The following LAMA4 variants were observed in gnomAD, a reference collection of about 807,000 sequenced individuals.
The protein encoded by LAMA4 is laminin subunit alpha-4.
Under a neutral mutation model 207.1 loss-of-function variants are expected in LAMA4, and 127 were observed. The ratio of observed to expected loss-of-function variants is 0.61; its 90% CI spans 0.53 to 0.71. The LOEUF is 0.71. Ranked by LOEUF, LAMA4 falls within the 30% of genes least tolerant of loss-of-function variation. The pLI is 0.00. For missense variants in LAMA4, 2,093 were observed against 2,246.5 expected, an observed-to-expected ratio of 0.93 and a Z score of 1.38; for synonymous variants, 761 against 816.0, an observed-to-expected ratio of 0.93 and a Z score of 1.15.
chr6:112,109,093 G>A lies in LAMA4; in HGVS notation c.*344C>T, dbSNP rs1330530815. 1 of 285,194 alleles carries A rather than the reference G, an allele frequency of 3.5e-6. No homozygotes were observed. The highest frequency in any genetic ancestry group is 2.2e-5 in the African/African-American group (1 of 45,862). 17.7% of individuals were successfully genotyped at this position (285,194 alleles called of 1,614,324 possible). On this transcript the variant is annotated 3_prime_UTR_variant, in exon 39 of 39. Transcript: ENST00000230538. ...TCTTCCCTGGAAGAAAGGTGAATCT[G>A]AGAATCTAGCCGCACTTCAAAAATG...
intron 17 of LAMA4, among the ~76,000 whole-genome samples, chr6:112,149,775 G>A (rs1360273194): frequency 6.6e-6 from 1 of 152,148 alleles, no homozygotes. Context: ...TTCTGATGAC[G>A]GTGATGATGA....
chr6:112,183,950 CAAAAAAA>C lies in LAMA4; in HGVS notation c.1077+1280_1077+1286del, dbSNP rs782424211. 3.2e-4 allele frequency among the ~76,000 whole-genome samples: 26 copies of C among 81,732 alleles called. 1 individual carries two copies. The highest frequency in any genetic ancestry group is 4.8e-4 in the Non-Finnish European group (20 of 41,512). 53.6% of individuals were successfully genotyped at this position (81,732 alleles called of 152,430 possible). The stretch of plus-strand genomic sequence containing the variant: ...TGGGCAACAAAGCGAGACTCCATCT[CAAAAAAA>C]AAAAAAAAAAAAGAAAAAAGAATTA... On this transcript the variant is annotated intron_variant, in intron 9 of 38. Transcript: ENST00000230538.
At position 112,233,099 on chromosome 6, in the gene LAMA4, C is replaced by T. The variant is rs1033305543; in HGVS notation, c.196-16630G>A. ...TTTTAGCTTAAAAGGCATTCTCACT[C>T]GCAGCACGGAGCTCCTGGAATGAGC... On this transcript the variant is annotated intron_variant, in intron 2 of 38. Coordinates refer to ENST00000230538, the MANE Select transcript of LAMA4 (RefSeq NM_001105206.3). 3.3e-5 allele frequency among the ~76,000 whole-genome samples: 5 copies of T among 152,142 alleles called. No homozygotes were observed. In the East Asian group the frequency reaches 7.7e-4, roughly 23 times the overall value.
intron 2 of LAMA4, among the ~76,000 whole-genome samples, chr6:112,223,011 G>A (rs749215943): frequency 1.3e-5 from 2 of 152,092 alleles, no homozygotes; most frequent in South Asian, 2.1e-4. Context: ...ATAACATAAC[G>A]AGGCTTCAGT....
Position 112,250,749 on chromosome 6 carries a change from C to T in LAMA4, c.195+3207G>A, listed in dbSNP as rs6919148. Among the ~76,000 whole-genome samples, 1,500 of 152,256 alleles carry T rather than the reference C, an allele frequency of 9.9e-3. 22 individuals carry two copies. The highest frequency in any genetic ancestry group is 0.035 in the African/African-American group (1,435 of 41,542). Reference sequence around the variant, plus strand: ...ACAATGTAACCTCCAACCTCATGTTCTTGACCTTGTTTAGTTCCTACTTCT... The same window carrying T: ...ACAATGTAACCTCCAACCTCATGTTTTTGACCTTGTTTAGTTCCTACTTCT... On this transcript the variant is annotated intron_variant, in intron 2 of 38. Coordinates refer to ENST00000230538, the MANE Select transcript of LAMA4 (RefSeq NM_001105206.3).
chr6:112,140,740 A>G lies in LAMA4; in HGVS notation c.2976+20T>C, dbSNP rs1554332923. On this transcript the variant is annotated intron_variant, in intron 22 of 38. Coordinates refer to ENST00000230538, the MANE Select transcript of LAMA4 (RefSeq NM_001105206.3). ...TTACTGTAGATTTGTAATAGGTCAA[A>G]ATATAGCTGTATGGCTGACCTTGAA... 28 of 1,611,018 alleles carry G rather than the reference A, an allele frequency of 1.7e-5. 1 individual carries two copies. The highest frequency in any genetic ancestry group is 2.3e-5 in the Non-Finnish European group (27 of 1,177,344).
At chr6:112,130,843 C>T (rs1778993863) in intron 29 of LAMA4, 125 bp downstream of exon 29, 4 of 942,042 alleles carry the variant, frequency 4.2e-6, no homozygotes, top group Non-Finnish European at 6.8e-6. Flanking sequence ...ATAAGTTGTT[C>T]CTTCTAGCAT....
chr6:112,185,195 T>G (rs1782610701), intron 9 of LAMA4, 42 bp downstream of exon 9: 7 of 1,326,564 alleles, frequency 5.3e-6, no homozygotes, highest in Non-Finnish European at 7.6e-6. Context: ...CTAAATCCTT[T>G]CTTTGAAGGC....
intron 36 of LAMA4, 68 bp downstream of exon 36, chr6:112,115,795 T>C (rs1231179629): frequency 1.4e-6 from 2 of 1,462,372 alleles, no homozygotes; most frequent in Non-Finnish European, 1.9e-6. Flanking sequence ...TTCTGTGAAA[T>C]AAATCTGCTT....
intron 31 of LAMA4, among the ~76,000 whole-genome samples, chr6:112,126,987 T>C (rs937622133): frequency 6.6e-6 from 1 of 152,216 alleles, no homozygotes; most frequent in South Asian, 2.1e-4. Context: ...TAAGGCTCTA[T>C]AGAGATATAA....
At chr6:112,215,553 A>G (rs1472246109) in intron 3 of LAMA4, among the ~76,000 whole-genome samples, 9 of 152,238 alleles carry the variant, frequency 5.9e-5, no homozygotes, top group Non-Finnish European at 1.3e-4. Flanking sequence ...GGGAACTTGA[A>G]GAATTTTTCT....
At chr6:112,202,055 T>C (rs1347789562) in intron 4 of LAMA4, among the ~76,000 whole-genome samples, 1 of 152,220 alleles carries the variant, frequency 6.6e-6, no homozygotes, top group African/African-American at 2.4e-5. Context: ...TTCCCCTTTT[T>C]TTCTGCACTA....
At position 112,208,696 on chromosome 6, in the gene LAMA4, T is replaced by A. The variant is rs527489462; in HGVS notation, c.298-1551A>T. Among the ~76,000 whole-genome samples, 4 of 152,340 alleles carry A rather than the reference T, an allele frequency of 2.6e-5. No individual in the cohort carries two copies. In the East Asian group the frequency reaches 5.8e-4, roughly 22 times the overall value. ...ATCAGTGTTACTAACACTTTGAGCT[T>A]CAATTGAAATATAATATTAATACAT... On this transcript the variant is annotated intron_variant, in intron 3 of 38. Coordinates refer to ENST00000230538, the MANE Select transcript of LAMA4 (RefSeq NM_001105206.3).
rs372202410 is a variant in LAMA4 at position 112,133,483 on chromosome 6, G to C, written c.3562C>G (p.Leu1188Val). The change falls in exon 27 of 39, where the codon CTC becomes GTC. Residue 1188 changes from leucine to valine, a missense_variant. Leu to Val is a conservative substitution (Grantham distance 32). This residue lies in a region of LAMA4 where 1,704 missense variants were observed against 1,788.4 expected (regional missense o/e 0.95). Transcript: ENST00000230538. ...APPEILQSRA[L>V]RAHLPLDINF... Reference sequence around the variant, plus strand: ...ATATCTAGGGGAAGGTGTGCTCTGAGGGCCCTGGAAAAGAAAGTCAGCCTC... The same window carrying C: ...ATATCTAGGGGAAGGTGTGCTCTGACGGCCCTGGAAAAGAAAGTCAGCCTC... 1.2e-6 allele frequency: 2 copies of C among 1,613,538 alleles called. No individual in the cohort carries two copies. Among genetic ancestry groups the C allele is most frequent in the Non-Finnish European group, 1.7e-6 (2 of 1,179,634 alleles).
rs145091507 is a variant in LAMA4, at chr6:112,134,921, CAGGT to C, written c.3415-316_3415-313del. Among the ~76,000 whole-genome samples, 78,769 of 151,318 alleles carry C rather than the reference CAGGT, an allele frequency of 0.52. 21,141 individuals carry two copies. The highest frequency in any genetic ancestry group is 0.74 in the East Asian group (3,795 of 5,108). On this transcript the variant is annotated intron_variant, in intron 25 of 38. Transcript: ENST00000230538. ...AGAGGATTCAGGAAAGAACTATAAACAGGTGCCACCATTCTCTTTTTTTTTAAAA... is the reference window on the plus strand; with the variant it reads ...AGAGGATTCAGGAAAGAACTATAAACGCCACCATTCTCTTTTTTTTTAAAA...
In LAMA4 at chr6:112,134,556, C is replaced by T; in HGVS notation, c.3468G>A (p.Arg1156=). The change falls in exon 26 of 39, where the codon AGG becomes AGA. Residue 1156 remains arginine (R), a synonymous_variant. Coordinates refer to ENST00000230538, the MANE Select transcript of LAMA4 (RefSeq NM_001105206.3). The stretch of plus-strand genomic sequence containing the variant: ...TTTCATTATCCATGCTCTTGACATG[C>T]CTTCTGTCAACTACCAAGATCATTT... ...DKKMILVVDR[R]HVKSMDNEKM... is the part of the protein sequence containing the mutation. 1 of 1,609,656 alleles carries T rather than the reference C, an allele frequency of 6.2e-7. No individual in the cohort carries two copies. Among genetic ancestry groups the T allele is most frequent in the Non-Finnish European group, 8.5e-7 (1 of 1,176,376 alleles).
At chr6:112,236,731 C>G (rs1392923020) in intron 2 of LAMA4, 1 of 152,072 alleles carries the variant, frequency 6.6e-6, no homozygotes, top group African/African-American at 2.4e-5. Flanking sequence ...TTTTTTAATT[C>G]GCATGGAAAA....
chr6:112,199,692 A>G (rs1406522032), intron 5 of LAMA4, among the ~76,000 whole-genome samples: 1 of 152,132 alleles, frequency 6.6e-6, no homozygotes, highest in Non-Finnish European at 1.5e-5. Context: ...ATAATTATCC[A>G]CATTTTGCAT....
chr6:112,187,599 A>G lies in LAMA4; in HGVS notation c.817T>C (p.Cys273Arg). The G allele has an allele frequency of 6.2e-7, 1 of 1,613,852 alleles. No individual in the cohort carries two copies. Among genetic ancestry groups the G allele is most frequent in the Non-Finnish European group, 8.5e-7 (1 of 1,179,916 alleles). ...PTGMDCPTIS[C>R]DKCVWDLTDD... is the part of the protein sequence containing the mutation. ...GTCAGGTCCCAGACGCACTTATCACAGCCTGGAGGTGAAACATTTCTTCAG... is the reference window on the plus strand; with the variant it reads ...GTCAGGTCCCAGACGCACTTATCACGGCCTGGAGGTGAAACATTTCTTCAG... Residue 273 changes from cysteine to arginine, a missense_variant and splice_region_variant, in exon 8 of 39, where the codon TGT (cysteine) becomes CGT (arginine). Around this residue, in one of 3 missense-constraint regions of LAMA4, gnomAD observed 1,704 missense variants for 1,788.4 expected, o/e 0.95. Coordinates refer to ENST00000230538, the MANE Select transcript of LAMA4 (RefSeq NM_001105206.3).
Sources: gnomAD v4.1 joint callset for allele counts (sites outside exome capture counted in the v4.1 genomes callset) on GRCh38, gnomAD v4.1.1 for gene constraint, gnomAD v4.1.1 regional missense constraint, MANE v1.5 for transcripts, NCBI Gene and HGNC (gene_info 2026-07-23, HGNC 2026-07-21) for gene names.